The following RYR3 variants were observed in gnomAD, a reference collection of about 807,000 sequenced individuals.
RYR3 encodes brain ryanodine receptor-calcium release channel.
In RYR3, 207 loss-of-function variants were observed where a neutral mutation model predicts 584.3. The ratio of observed to expected loss-of-function variants is 0.35; its 90% CI spans 0.32 to 0.40. RYR3 has a LOEUF of 0.40. Ranked by LOEUF, RYR3 falls within the 10% of genes least tolerant of loss-of-function variation. RYR3 has a pLI of 1.00. For synonymous variants in RYR3, 2,416 were observed against 2,248.5 expected (o/e 1.07, Z -2.11); for missense variants, 5,616 against 6,089.2 (o/e 0.92, Z 2.59).
chr15:33,516,341 C>CT (rs200998411), intron 3 of RYR3, among the ~76,000 whole-genome samples: 14,464 of 144,086 alleles, frequency 0.1, 996 homozygotes, highest in East Asian at 0.29. Context: ...GTAAGATCTA[C>CT]TTTTTTTTTT....
At chr15:33,620,911 G>A (rs186795897) in intron 19 of RYR3, among the ~76,000 whole-genome samples, 178 of 152,342 alleles carry the variant, frequency 1.2e-3, no homozygotes, top group South Asian at 2.7e-3. Context: ...ACCCAGTGAA[G>A]CACTGCACGA....
chr15:33,836,471 T>C (rs1037428068), intron 87 of RYR3, among the ~76,000 whole-genome samples: 1 of 149,308 alleles, frequency 6.7e-6, no homozygotes, highest in Non-Finnish European at 1.5e-5. Flanking sequence ...GACTCTAAAT[T>C]AATCCAGAAA....
chr15:33,865,215 C>G lies in RYR3; in HGVS notation c.14602C>G (p.Gln4868Glu), dbSNP rs1480948127. Residue 4868 changes from glutamine (Q) to glutamate (E), a missense_variant, in exon 104 of 104, where the codon CAG (glutamine) becomes GAG (glutamate). This residue lies in a region of RYR3 where 918 missense variants were observed against 887.4 expected (regional missense o/e 1.03). Coordinates refer to ENST00000634891, the MANE Select transcript of RYR3 (RefSeq NM_001036.6). Reference sequence around the variant, plus strand: ...CTGCTTTCGTAAACAATATGAAGATCAGCTTGGATAAATCTGAATCAAAGA... The same window carrying G: ...CTGCTTTCGTAAACAATATGAAGATGAGCTTGGATAAATCTGAATCAAAGA... ...GDCFRKQYEDQLG is the reference protein window; with the variant it reads ...GDCFRKQYEDELG 1 of 1,612,442 alleles carries G rather than the reference C, an allele frequency of 6.2e-7. No homozygotes were observed. Among genetic ancestry groups the G allele is most frequent in the South Asian group, 1.1e-5 (1 of 90,920 alleles).
chr15:33,468,846 A>C (rs1465219079), intron 1 of RYR3, among the ~76,000 whole-genome samples: 2 of 152,212 alleles, frequency 1.3e-5, no homozygotes, highest in Non-Finnish European at 2.9e-5. Context: ...TAGTGGTAGC[A>C]AGTGCATCAA....
rs1023839456 is a variant in RYR3, at chr15:33,672,980, G to A, written c.5860+2424G>A. 5.3e-5 allele frequency among the ~76,000 whole-genome samples: 8 copies of A among 152,300 alleles called. No individual in the cohort carries two copies. The East Asian group carries it at 5.8e-4, about 11-fold the overall frequency. On this transcript the variant is annotated intron_variant, in intron 38 of 103. Coordinates refer to ENST00000634891, the MANE Select transcript of RYR3 (RefSeq NM_001036.6). ...TCTGATTGTCACCAACCTAAGGTAC[G>A]TAAAGTGAGTAAAGCTATGGCTTGA...
intron 93 of RYR3, chr15:33,847,676 C>G (rs2152990935): frequency 6.6e-6 from 1 of 152,310 alleles, no homozygotes; most frequent in South Asian, 2.1e-4. Flanking sequence ...ATAAAAGTTC[C>G]AATTATAAAA....
intron 1 of RYR3, among the ~76,000 whole-genome samples, chr15:33,355,358 C>T (rs16969965): frequency 0.078 from 11,932 of 152,092 alleles, 551 homozygotes; most frequent in Middle Eastern, 0.12. Context: ...AAGACTCGTG[C>T]TTATGGTAAT....
At chr15:33,813,665 T>C in intron 74 of RYR3, 86 bp downstream of exon 74, 1 of 1,099,856 alleles carries the variant, frequency 9.1e-7, no homozygotes, top group Non-Finnish European at 1.4e-6. Context: ...TCACTCTTAA[T>C]CCAAGGAATA....
intron 2 of RYR3, among the ~76,000 whole-genome samples, chr15:33,489,114 C>G (rs1445459092): frequency 6.6e-6 from 1 of 152,146 alleles, no homozygotes; most frequent in East Asian, 1.9e-4. Flanking sequence ...ATTTTGCTAC[C>G]TGTCACATGA....
intron 67 of RYR3, among the ~76,000 whole-genome samples, chr15:33,800,237 A>G (rs1398175443): frequency 6.6e-6 from 1 of 152,220 alleles, no homozygotes; most frequent in Non-Finnish European, 1.5e-5. Flanking sequence ...AAAACATATT[A>G]TCTTACAAAT....
intron 43 of RYR3, among the ~76,000 whole-genome samples, chr15:33,708,327 T>C (rs1051727839): frequency 6.6e-6 from 1 of 152,184 alleles, no homozygotes; most frequent in Non-Finnish European, 1.5e-5. Flanking sequence ...GCAGAACCAA[T>C]TTATTCATCT....
At chr15:33,383,489 G>C (rs1335211473) in intron 1 of RYR3, among the ~76,000 whole-genome samples, 1 of 151,684 alleles carries the variant, frequency 6.6e-6, no homozygotes, top group African/African-American at 2.4e-5. Flanking sequence ...TTTTCATGGG[G>C]TCCACAATAC....
chr15:33,731,440 G>A lies in RYR3; in HGVS notation c.7204-34G>A, dbSNP rs755999043. 21 of 1,505,826 alleles carry A rather than the reference G, an allele frequency of 1.4e-5. No individual in the cohort carries two copies. The South Asian group carries it at 2.0e-4, about 14-fold the overall frequency. 93.3% of individuals were successfully genotyped at this position (1,505,826 alleles called of 1,614,324 possible). ...AGCCAGCTTTGCTCTGTTCCTCAGGGCAATTAACCTGTGTCCCAATCTTCT... is the reference window on the plus strand; with the variant it reads ...AGCCAGCTTTGCTCTGTTCCTCAGGACAATTAACCTGTGTCCCAATCTTCT... On this transcript the variant is annotated intron_variant, in intron 47 of 103. Transcript: ENST00000634891.
intron 1 of RYR3, among the ~76,000 whole-genome samples, chr15:33,315,976 TG>T (rs1968114822): frequency 6.6e-6 from 1 of 152,206 alleles, no homozygotes; most frequent in Non-Finnish European, 1.5e-5. Context: ...CATCTGTGCA[TG>T]TTTTTTTTTC....
intron 1 of RYR3, among the ~76,000 whole-genome samples, chr15:33,392,149 A>G (rs1022783189): frequency 6.6e-6 from 1 of 151,098 alleles, no homozygotes; most frequent in Non-Finnish European, 1.5e-5. Context: ...CATCTTCTTA[A>G]TTGTTGCATC....
At chr15:33,437,056 C>A (rs1462574765) in intron 1 of RYR3, among the ~76,000 whole-genome samples, 1 of 151,594 alleles carries the variant, frequency 6.6e-6, no homozygotes, top group Admixed American at 6.6e-5. Context: ...ATGATTTATA[C>A]TTTCAACTCT....
chr15:33,831,184 G>C, intron 86 of RYR3, 93 bp downstream of exon 86: 2 of 1,229,104 alleles, frequency 1.6e-6, no homozygotes, highest in Non-Finnish European at 2.2e-6. Context: ...ATTGTACACA[G>C]TGCACTATCC....
chr15:33,699,805 T>C lies in RYR3; in HGVS notation c.6351T>C (p.Tyr2117=). The C allele has an allele frequency of 1.9e-6, 3 of 1,613,940 alleles. No individual in the cohort carries two copies. Among genetic ancestry groups the C allele is most frequent in the Non-Finnish European group, 2.5e-6 (3 of 1,179,842 alleles). Reference sequence around the variant, plus strand: ...AGGCCATGTTTGAGCATCTGAGTTATCTTCTGGAGAATAGCAGTGTTGGCC... The same window carrying C: ...AGGCCATGTTTGAGCATCTGAGTTACCTTCTGGAGAATAGCAGTGTTGGCC... ...NQKAMFEHLS[Y]LLENSSVGLA... is the part of the protein sequence containing the mutation. The change falls in exon 41 of 104, where the codon TAT becomes TAC. Residue 2117 remains tyrosine (Y), a synonymous_variant. Coordinates refer to ENST00000634891, the MANE Select transcript of RYR3 (RefSeq NM_001036.6).
chr15:33,350,405 T>C lies in RYR3; in HGVS notation c.51+39309T>C, dbSNP rs371383410. On this transcript the variant is annotated intron_variant, in intron 1 of 103. Coordinates refer to ENST00000634891, the MANE Select transcript of RYR3 (RefSeq NM_001036.6). ...GAATTGAACTCAGCTCTGCACCAAG[T>C]GGACCTAATAGACATCTACAGAACT... is the stretch of plus-strand genomic sequence containing the variant. 6.3e-4 allele frequency among the ~76,000 whole-genome samples: 93 copies of C among 148,356 alleles called. 1 individual carries two copies. The East Asian group carries it at 0.015, about 23-fold the overall frequency.
Sources: allele counts gnomAD v4.1 joint callset (sites outside exome capture counted in the v4.1 genomes callset), GRCh38; gene constraint gnomAD v4.1.1; regional missense constraint gnomAD v4.1.1; transcripts MANE v1.5; gene names NCBI Gene and HGNC (gene_info 2026-07-23, HGNC 2026-07-21).